The following MAGI2 variants were observed in gnomAD, a reference collection of about 807,000 sequenced individuals.
MAGI2 encodes the protein membrane associated guanylate kinase, WW and PDZ domain containing 2, also known as membrane-associated guanylate kinase, WW and PDZ domain-containing protein 2.
A neutral mutation model predicts 133.3 loss-of-function variants in MAGI2; 35 were observed. The observed-to-expected ratio is 0.26, with a 90% CI of 0.20 to 0.35. The LOEUF is 0.35. MAGI2 is among the 10% of genes least tolerant of loss of function. MAGI2 has a pLI of 1.00. For missense variants in MAGI2, 1,636 were observed against 1,863.4 expected (o/e 0.88, Z 2.25); for synonymous variants, 729 against 710.6 (o/e 1.03, Z -0.41).
chr7:79,002,860 AGTGTGTGTGT>A (rs4021172), intron 2 of MAGI2, among the ~76,000 whole-genome samples: 130 of 133,638 alleles, frequency 9.7e-4, no homozygotes, highest in African/African-American at 2.1e-3. Flanking sequence ...TTTATTGAAA[AGTGTGTGTGT>A]GTGTGTGTGT....
chr7:78,934,533 C>A (rs931980954), intron 2 of MAGI2, among the ~76,000 whole-genome samples: 1 of 152,100 alleles, frequency 6.6e-6, no homozygotes, highest in South Asian at 2.1e-4. Context: ...GATGGCGATA[C>A]CAAACAACCA....
intron 3 of MAGI2, 72 bp from the exon 4 acceptor site, chr7:78,521,717 A>C (rs768957065): frequency 6.3e-5 from 79 of 1,256,522 alleles, no homozygotes; most frequent in Admixed American, 9.0e-5. Flanking sequence ...TGAAGAATGG[A>C]AATTATATTA....
intron 21 of MAGI2, among the ~76,000 whole-genome samples, chr7:78,067,696 G>A (rs995393470): frequency 6.6e-6 from 1 of 152,168 alleles, no homozygotes; most frequent in Admixed American, 6.5e-5. Flanking sequence ...AGATTTTGTT[G>A]TAGTTAGAGC....
intron 2 of MAGI2, among the ~76,000 whole-genome samples, chr7:78,997,331 T>C (rs915120367): frequency 2.0e-5 from 3 of 152,086 alleles, no homozygotes; most frequent in Non-Finnish European, 1.5e-5. Flanking sequence ...CAGCCAGGCA[T>C]GGTGGCTCAT....
chr7:79,024,555 CAAAGT>C (rs1387735814), intron 1 of MAGI2, among the ~76,000 whole-genome samples: 1 of 151,772 alleles, frequency 6.6e-6, no homozygotes, highest in East Asian at 1.9e-4. Flanking sequence ...AAACTATCAA[CAAAGT>C]AAAGACACAA....
At chr7:78,341,038 G>A (rs904609230) in intron 9 of MAGI2, among the ~76,000 whole-genome samples, 2 of 152,178 alleles carry the variant, frequency 1.3e-5, no homozygotes, top group African/African-American at 2.4e-5. Flanking sequence ...CAGATTACAT[G>A]ATTGTATATT....
chr7:78,502,277 A>G lies in MAGI2; in HGVS notation c.755-490T>C, dbSNP rs574080822. ...AAAGTCAGCAGAAAAGAAGGGTAAA[A>G]GGGAGAATTGACTACTAAATCATGG... On this transcript the variant is annotated intron_variant, in intron 4 of 21. Coordinates refer to ENST00000354212, the MANE Select transcript of MAGI2 (RefSeq NM_012301.4). 2.6e-5 allele frequency among the ~76,000 whole-genome samples: 4 copies of G among 152,336 alleles called. No homozygotes were observed. In the East Asian group the frequency reaches 5.8e-4, roughly 22 times the overall value.
intron 12 of MAGI2, among the ~76,000 whole-genome samples, chr7:78,191,936 T>C (rs1418914116): frequency 6.6e-6 from 1 of 152,222 alleles, no homozygotes; most frequent in Non-Finnish European, 1.5e-5. Context: ...TTGATAAATT[T>C]CCATCATTTG....
chr7:79,367,856 G>GACACACACACACACACACACACACAC (rs1183514493), intron 1 of MAGI2, among the ~76,000 whole-genome samples: 30 of 70,012 alleles, frequency 4.3e-4, no homozygotes, highest in Admixed American at 5.8e-4. Context: ...TTATATATGT[G>GACACACACACACACACACACACACAC]ACATATATAT....
At chr7:78,335,424 C>A (rs1317875042) in intron 9 of MAGI2, among the ~76,000 whole-genome samples, 1 of 152,190 alleles carries the variant, frequency 6.6e-6, no homozygotes, top group Non-Finnish European at 1.5e-5. Context: ...CTTCATAACC[C>A]TAAATAAAAT....
chr7:78,819,004 T>C (rs1789849644), intron 2 of MAGI2, among the ~76,000 whole-genome samples: 1 of 152,114 alleles, frequency 6.6e-6, no homozygotes, highest in Non-Finnish European at 1.5e-5. Context: ...AAATGAGATA[T>C]GGTTATTCAC....
chr7:78,773,040 T>C (rs935144490), intron 2 of MAGI2, among the ~76,000 whole-genome samples: 2 of 152,190 alleles, frequency 1.3e-5, no homozygotes, highest in Non-Finnish European at 2.9e-5. Context: ...GGAGTCACTT[T>C]CCTTGAATGT....
intron 20 of MAGI2, among the ~76,000 whole-genome samples, chr7:78,085,076 A>G (rs1816470232): frequency 6.6e-6 from 1 of 152,224 alleles, no homozygotes; most frequent in Non-Finnish European, 1.5e-5. Context: ...AGCCCATAAA[A>G]TTAGCAGGTT....
chr7:78,794,187 A>G (rs1787408729), intron 2 of MAGI2, among the ~76,000 whole-genome samples: 1 of 152,206 alleles, frequency 6.6e-6, no homozygotes, highest in South Asian at 2.1e-4. Context: ...AACTGGGACC[A>G]GTGAGAACTC....
At chr7:79,044,886 C>T (rs1584777460) in intron 1 of MAGI2, among the ~76,000 whole-genome samples, 2 of 152,178 alleles carry the variant, frequency 1.3e-5, no homozygotes, top group Admixed American at 1.3e-4. Context: ...TTTATACATG[C>T]ATTTACCACA....
intron 2 of MAGI2, among the ~76,000 whole-genome samples, chr7:78,919,512 A>G (rs1179826724): frequency 5.3e-5 from 8 of 152,146 alleles, no homozygotes; most frequent in Non-Finnish European, 1.2e-4. Flanking sequence ...ATAGCATAAT[A>G]GCATTTCAAC....
At chr7:78,082,872 T>A (rs897305387) in intron 20 of MAGI2, among the ~76,000 whole-genome samples, 2 of 152,206 alleles carry the variant, frequency 1.3e-5, no homozygotes, top group Non-Finnish European at 2.9e-5. Context: ...CAGTATGAAC[T>A]GTGAAAGGGT....
At chr7:79,312,335 C>T (rs902515381) in intron 1 of MAGI2, among the ~76,000 whole-genome samples, 31 of 152,112 alleles carry the variant, frequency 2.0e-4, no homozygotes, top group African/African-American at 7.0e-4. Flanking sequence ...TCTCAGTAGG[C>T]GCCAACAACA....
At chr7:78,533,254 T>C (rs1393594761) in intron 3 of MAGI2, among the ~76,000 whole-genome samples, 1 of 152,230 alleles carries the variant, frequency 6.6e-6, no homozygotes, top group African/African-American at 2.4e-5. Flanking sequence ...TAGCAAATTA[T>C]GAAGTGTCAC....
Sources: allele counts gnomAD v4.1 joint callset (sites outside exome capture counted in the v4.1 genomes callset), GRCh38; gene constraint gnomAD v4.1.1; transcripts MANE v1.5; gene names NCBI Gene and HGNC (gene_info 2026-07-23, HGNC 2026-07-21).